Variants in PABPC4 observed in about 807,000 individuals in gnomAD.
The protein encoded by PABPC4 is polyadenylate-binding protein 4.
PABPC4 carries 15 observed loss-of-function variants against 74.5 expected under a neutral mutation model. The ratio of observed to expected loss-of-function variants is 0.20; its 90% CI spans 0.13 to 0.31. PABPC4 has a LOEUF of 0.31. Ranked by LOEUF, PABPC4 falls within the 10% of genes least tolerant of loss-of-function variation. The pLI, the probability that PABPC4 is intolerant of heterozygous loss-of-function variation, is 1.00. For missense variants in PABPC4, 610 were observed against 853.5 expected (o/e 0.71, Z 3.55); for synonymous variants, 345 against 303.0 (o/e 1.14, Z -1.44).
At chr1:39,570,134 C>A (rs772653309) in intron 3 of PABPC4, 132 bp from the exon 4 acceptor site, 8 of 850,320 alleles carry the variant, frequency 9.4e-6, no homozygotes, top group Non-Finnish European at 1.5e-5. Context: ...ACCAAGGAGG[C>A]TCAGAGATAC....
intron 7 of PABPC4, among the ~76,000 whole-genome samples, chr1:39,565,827 CCAAAA>C (rs60293495): frequency 0.18 from 26,104 of 148,172 alleles, 2,391 homozygotes; most frequent in East Asian, 0.34. Context: ...GACTCCATCT[CCAAAA>C]CAAAACAAAA....
intron 14 of PABPC4, 21 bp from the exon 15 acceptor site, chr1:39,561,808 G>A (rs1645773593): frequency 3.7e-6 from 6 of 1,603,722 alleles, no homozygotes; most frequent in Non-Finnish European, 5.1e-6. Context: ...TCTTCAGGTG[G>A]TCAGTGAATC....
At chr1:39,575,507 T>A (rs1184162384) in intron 1 of PABPC4, among the ~76,000 whole-genome samples, 6 of 152,220 alleles carry the variant, frequency 3.9e-5, no homozygotes, top group African/African-American at 7.2e-5. Flanking sequence ...TACAGTCTCC[T>A]TGGTTTCCAA....
In PABPC4 at chr1:39,565,348, A is replaced by T. The variant is rs760790988; in HGVS notation, c.1003T>A (p.Phe335Ile). ...VMLEDGRSKGFGFVCFSSPEE... is the reference protein window; with the variant it reads ...VMLEDGRSKGIGFVCFSSPEE... ...GGAGATGAGAAGCAGACGAAGCCAA[A>T]CCCTTTGCTTCTTCCATCCTCCAGC... Residue 335 changes from phenylalanine (F) to isoleucine (I), a missense_variant, in exon 8 of 16, where the codon TTT (phenylalanine) becomes ATT (isoleucine). Phe to Ile is a conservative substitution (Grantham distance 21, BLOSUM62 0). Transcript: ENST00000372858. The T allele has an allele frequency of 6.2e-7, 1 of 1,613,172 alleles. No homozygotes were observed. Among genetic ancestry groups the T allele is most frequent in the Non-Finnish European group, 8.5e-7 (1 of 1,179,494 alleles).
At chr1:39,569,417 T>A (rs1645902819) in intron 5 of PABPC4, 178 bp downstream of exon 5, 2 of 609,614 alleles carry the variant, frequency 3.3e-6, no homozygotes, top group African/African-American at 3.7e-5. Context: ...AAGTGCTTTG[T>A]AAACACCTAC....
chr1:39,567,519 C>G, intron 7 of PABPC4: 1 of 635,554 alleles, frequency 1.6e-6, no homozygotes, highest in South Asian at 1.4e-5. Context: ...TCTGAGTTGG[C>G]AAGGAGGGGC....
intron 7 of PABPC4, among the ~76,000 whole-genome samples, chr1:39,566,235 T>C (rs1645839374): frequency 1.3e-5 from 2 of 152,220 alleles, no homozygotes; most frequent in South Asian, 4.1e-4. Context: ...TCTCATATGC[T>C]TCAAGACCTC....
chr1:39,567,540 T>G, intron 7 of PABPC4: 1 of 663,810 alleles, frequency 1.5e-6, no homozygotes, highest in Non-Finnish European at 2.8e-6. Flanking sequence ...TGGGTCAAAT[T>G]CCTCTCCAGA....
At chr1:39,563,529 G>C in intron 12 of PABPC4, 85 bp downstream of exon 12, 4 of 1,503,700 alleles carry the variant, frequency 2.7e-6, no homozygotes, top group Non-Finnish European at 1.8e-6. Flanking sequence ...TTTAATACCT[G>C]TTGAAGGAAT....
At chr1:39,565,745 T>C (rs1645827251) in intron 7 of PABPC4, among the ~76,000 whole-genome samples, 1 of 152,002 alleles carries the variant, frequency 6.6e-6, no homozygotes, top group South Asian at 2.1e-4. Context: ...GGAGAACCGC[T>C]TCAACCCGGG....
chr1:39,569,421 C>G (rs765065362), intron 5 of PABPC4, 174 bp downstream of exon 5: 115 of 612,416 alleles, frequency 1.9e-4, no homozygotes, highest in Middle Eastern at 1.2e-3. Context: ...GCTTTGTAAA[C>G]ACCTACATGA....
rs1461263670 is a variant in PABPC4, at chr1:39,562,068, C to T, written c.1893+5G>A. On this transcript the variant is annotated splice_donor_5th_base_variant and intron_variant, in intron 14 of 15. Transcript: ENST00000372858. ...TGAAGCTGCAGGGTCTGAGCCCCAG[C>T]TCACCTTGGAGCGGAGAGACTCGGG... is the stretch of plus-strand genomic sequence containing the variant. 1 of 1,612,190 alleles carries T rather than the reference C, an allele frequency of 6.2e-7. No homozygotes were observed. Among genetic ancestry groups the T allele is most frequent in the African/African-American group, 1.3e-5 (1 of 74,872 alleles).
chr1:39,563,484 GA>G (rs1287782082), intron 12 of PABPC4, 129 bp downstream of exon 12: 3 of 1,203,926 alleles, frequency 2.5e-6, no homozygotes, highest in African/African-American at 1.5e-5. Context: ...CAGGGACAGT[GA>G]ATCAGAACAT....
intron 10 of PABPC4, 174 bp from the exon 11 acceptor site, chr1:39,564,096 C>A: frequency 1.6e-6 from 1 of 639,094 alleles, no homozygotes; most frequent in Non-Finnish European, 2.7e-6. Flanking sequence ...TCTTGGAATA[C>A]AAGACATATT....
At chr1:39,571,590 A>G (rs975964332) in intron 2 of PABPC4, 19 of 587,810 alleles carry the variant, frequency 3.2e-5, no homozygotes, top group Admixed American at 8.7e-5. Context: ...AAAAACAAAC[A>G]AACAAAAAAT....
In PABPC4 at chr1:39,576,372, C is replaced by G. The variant is rs1557722549; in HGVS notation, c.-421G>C. On this transcript the variant is annotated 5_prime_UTR_variant, in exon 1 of 16. Transcript: ENST00000372858. ...TATAAATATAGGCCTCGGGCTCCGG[C>G]GGTTTAAGATTACAACCGCCGGGGC... The G allele has an allele frequency of 6.5e-6, 1 of 154,398 alleles. No individual in the cohort carries two copies. Among genetic ancestry groups the G allele is most frequent in the Non-Finnish European group, 1.4e-5 (1 of 69,738 alleles). 9.6% of individuals were successfully genotyped at this position (154,398 alleles called of 1,614,324 possible).
At chr1:39,569,429 T>G in intron 5 of PABPC4, 166 bp downstream of exon 5, 2 of 620,932 alleles carry the variant, frequency 3.2e-6, no homozygotes, top group Admixed American at 5.7e-5. Flanking sequence ...AACACCTACA[T>G]GAAGTTAACA....
chr1:39,564,412 A>T lies in PABPC4; in HGVS notation c.1453+11T>A. On this transcript the variant is annotated intron_variant, in intron 10 of 15. Transcript: ENST00000372858. Reference sequence around the variant, plus strand: ...TCCCCAGGCCACACTTCTAAAGGCCAGTTTGCTCACCGACTCTCTGAGTGG... The same window carrying T: ...TCCCCAGGCCACACTTCTAAAGGCCTGTTTGCTCACCGACTCTCTGAGTGG... 6.2e-7 allele frequency: 1 copy of T among 1,613,066 alleles called. No homozygotes were observed. The highest frequency in any genetic ancestry group is 8.5e-7 in the Non-Finnish European group (1 of 1,179,772).
intron 4 of PABPC4, 30 bp from the exon 5 acceptor site, chr1:39,569,719 C>A (rs751306202): frequency 1.3e-6 from 2 of 1,593,298 alleles, no homozygotes; most frequent in South Asian, 2.2e-5. Flanking sequence ...CTATTAGTAA[C>A]ACCATCTTGA....
Sources: gnomAD v4.1 joint callset for allele counts (sites outside exome capture counted in the v4.1 genomes callset) on GRCh38, gnomAD v4.1.1 for gene constraint, MANE v1.5 for transcripts, NCBI Gene and HGNC (gene_info 2026-07-23, HGNC 2026-07-21) for gene names.